The following DCP1A variants were observed in gnomAD, a reference collection of about 807,000 sequenced individuals.
The protein encoded by DCP1A is mRNA-decapping enzyme 1A.
A neutral mutation model predicts 58.0 loss-of-function variants in DCP1A; 20 were observed. The observed-to-expected ratio is 0.34, with a 90% CI of 0.24 to 0.50. DCP1A has a LOEUF of 0.50. DCP1A is among the 20% of genes least tolerant of loss of function. The pLI, the probability that DCP1A is intolerant of heterozygous loss-of-function variation, is 0.98. For missense variants in DCP1A, 613 were observed against 712.2 expected (o/e 0.86, Z 1.59); for synonymous variants, 285 against 275.1 (o/e 1.04, Z -0.36).
chr3:53,307,974 T>C (rs1343436693), intron 5 of DCP1A, among the ~76,000 whole-genome samples: 1 of 152,210 alleles, frequency 6.6e-6, no homozygotes, highest in Non-Finnish European at 1.5e-5. Flanking sequence ...ATAGGGATTC[T>C]CTGTGAGATG....
intron 1 of DCP1A, among the ~76,000 whole-genome samples, chr3:53,346,287 C>T (rs1223799723): frequency 6.6e-6 from 1 of 152,158 alleles, no homozygotes; most frequent in Non-Finnish European, 1.5e-5. Context: ...AGATAAACAA[C>T]GTGATTATAA....
At chr3:53,321,895 AAAG>A (rs1553690021) in intron 3 of DCP1A, among the ~76,000 whole-genome samples, 2 of 152,218 alleles carry the variant, frequency 1.3e-5, no homozygotes, top group African/African-American at 2.4e-5. Flanking sequence ...GTGACACATA[AAAG>A]AAGAAAGCCT....
intron 6 of DCP1A, among the ~76,000 whole-genome samples, chr3:53,297,562 T>G (rs1215617647): frequency 6.6e-6 from 1 of 152,128 alleles, no homozygotes; most frequent in Admixed American, 6.5e-5. Context: ...CATTTCACCA[T>G]GTTGGCCAGG....
At chr3:53,301,347 C>T (rs1314342620) in intron 6 of DCP1A, among the ~76,000 whole-genome samples, 1 of 152,034 alleles carries the variant, frequency 6.6e-6, no homozygotes, top group African/African-American at 2.4e-5. Context: ...CCTCAGCTCA[C>T]TGCAACCTTT....
chr3:53,318,659 C>A (rs1361390990), intron 4 of DCP1A, among the ~76,000 whole-genome samples: 1 of 152,166 alleles, frequency 6.6e-6, no homozygotes, highest in Non-Finnish European at 1.5e-5. Context: ...CTTCTACAGG[C>A]TAGCTTGAGA....
intron 3 of DCP1A, among the ~76,000 whole-genome samples, chr3:53,327,819 A>AAC (rs1263248374): frequency 6.9e-6 from 1 of 145,788 alleles, no homozygotes; most frequent in African/African-American, 2.6e-5. Flanking sequence ...AACAACAAAA[A>AAC]AACAACAACA....
intron 4 of DCP1A, among the ~76,000 whole-genome samples, chr3:53,314,668 T>A (rs1707745437): frequency 9.1e-5 from 2 of 22,020 alleles, no homozygotes. Context: ...TTTCTTTTTC[T>A]TTTTTTTTTT....
At chr3:53,343,222 A>T (rs2089241243) in intron 2 of DCP1A, among the ~76,000 whole-genome samples, 2 of 152,270 alleles carry the variant, frequency 1.3e-5, no homozygotes, top group Admixed American at 6.5e-5. Context: ...GTTACAAATA[A>T]TATAACTAGG....
intron 6 of DCP1A, among the ~76,000 whole-genome samples, chr3:53,296,807 C>T (rs1459112677): frequency 6.6e-6 from 1 of 152,164 alleles, no homozygotes; most frequent in Non-Finnish European, 1.5e-5. Flanking sequence ...GAGATGTTTC[C>T]ACCTTCTAGC....
intron 3 of DCP1A, among the ~76,000 whole-genome samples, chr3:53,330,357 C>A (rs909243945): frequency 6.6e-6 from 1 of 151,960 alleles, no homozygotes; most frequent in East Asian, 1.9e-4. Context: ...CACAGCAAGA[C>A]CCTATCACTA....
intron 4 of DCP1A, among the ~76,000 whole-genome samples, chr3:53,316,991 G>T (rs539930126): frequency 2.0e-5 from 3 of 152,120 alleles, no homozygotes; most frequent in Admixed American, 6.5e-5. Context: ...ATAGATAAAC[G>T]GTTTTCTTTC....
intron 8 of DCP1A, among the ~76,000 whole-genome samples, chr3:53,288,765 A>G (rs1706742742): frequency 6.6e-6 from 1 of 152,170 alleles, no homozygotes; most frequent in Non-Finnish European, 1.5e-5. Flanking sequence ...GGCTGGGCGC[A>G]GTGGTTCATG....
intron 3 of DCP1A, among the ~76,000 whole-genome samples, chr3:53,321,225 A>G (rs1487968310): frequency 5.3e-5 from 8 of 152,136 alleles, no homozygotes; most frequent in Non-Finnish European, 8.8e-5. Context: ...TCCTCTTTCT[A>G]TCTTTCAGAG....
intron 6 of DCP1A, 22 bp from the exon 7 acceptor site, chr3:53,292,849 C>T: frequency 6.3e-7 from 1 of 1,585,452 alleles, no homozygotes; most frequent in Non-Finnish European, 8.5e-7. Context: ...ATGAAACCAC[C>T]CAGTCAAAGA....
chr3:53,337,318 A>C (rs2089134080), intron 3 of DCP1A, among the ~76,000 whole-genome samples: 1 of 152,238 alleles, frequency 6.6e-6, no homozygotes. Context: ...GGATAGGAAG[A>C]AGCATATCAC....
At chr3:53,321,450 T>C (rs1707963721) in intron 3 of DCP1A, among the ~76,000 whole-genome samples, 1 of 152,352 alleles carries the variant, frequency 6.6e-6, no homozygotes, top group African/African-American at 2.4e-5. Context: ...CTGGGCATGG[T>C]GGCTCACGCC....
At position 53,347,543 on chromosome 3, in the gene DCP1A, T is replaced by C. The variant is rs1553693332; in HGVS notation, c.-26A>G. The C allele has an allele frequency of 5.0e-6, 8 of 1,587,774 alleles. No individual in the cohort carries two copies. Among genetic ancestry groups the C allele is most frequent in the Non-Finnish European group, 6.0e-6 (7 of 1,167,662 alleles). Reference sequence around the variant, plus strand: ...CTTGAATCCCAGAGCCTAGCCCCTCTGGTGGGGGCGGAGTCGCGGACAGGA... The same window carrying C: ...CTTGAATCCCAGAGCCTAGCCCCTCCGGTGGGGGCGGAGTCGCGGACAGGA... On this transcript the variant is annotated 5_prime_UTR_variant, in exon 1 of 10. Transcript: ENST00000610213.
At chr3:53,297,453 TG>T (rs1370044544) in intron 6 of DCP1A, among the ~76,000 whole-genome samples, 10 of 151,806 alleles carry the variant, frequency 6.6e-5, no homozygotes, top group African/African-American at 2.4e-4. Context: ...CTCCACCTCC[TG>T]GGTTCAAGTG....
At chr3:53,291,034 A>G (rs1553685920) in intron 7 of DCP1A, among the ~76,000 whole-genome samples, 178 bp from the exon 8 acceptor site, 1 of 152,162 alleles carries the variant, frequency 6.6e-6, no homozygotes, top group African/African-American at 2.4e-5. Flanking sequence ...ACCTGTAACC[A>G]TGCAGCCAAC....
Sources: gnomAD v4.1 joint callset for allele counts (sites outside exome capture counted in the v4.1 genomes callset) on GRCh38, gnomAD v4.1.1 for gene constraint, MANE v1.5 for transcripts, NCBI Gene and HGNC (gene_info 2026-07-23, HGNC 2026-07-21) for gene names.